The following ZNF804B variants were observed in gnomAD, a reference collection of about 807,000 sequenced individuals.
ZNF804B encodes the protein zinc finger protein 804B.
In ZNF804B, 80 loss-of-function variants were observed where a neutral mutation model predicts 101.4. That is an observed-to-expected ratio of 0.79 (90% CI 0.66 to 0.95). The LOEUF is 0.95. Ranked by LOEUF, ZNF804B falls within the 40% of genes least tolerant of loss-of-function variation. The pLI, the probability that ZNF804B is intolerant of heterozygous loss-of-function variation, is 0.00. For missense variants in ZNF804B, 1,673 were observed against 1,561.9 expected (o/e 1.07, Z -1.20); for synonymous variants, 622 against 558.8 (o/e 1.11, Z -1.59).
intron 1 of ZNF804B, among the ~76,000 whole-genome samples, chr7:88,818,410 C>T (rs574919058): frequency 1.3e-4 from 19 of 151,926 alleles, no homozygotes; most frequent in Middle Eastern, 3.4e-3. Flanking sequence ...CCATTTTTTT[C>T]TTAGAAAAAT....
At chr7:88,789,567 T>C (rs978637708) in intron 1 of ZNF804B, among the ~76,000 whole-genome samples, 28 of 152,148 alleles carry the variant, frequency 1.8e-4, no homozygotes, top group Non-Finnish European at 1.5e-5. Context: ...GGGTTCTCTC[T>C]GTATGCTCTT....
chr7:88,943,708 C>G (rs1793088146), intron 1 of ZNF804B, among the ~76,000 whole-genome samples: 1 of 151,770 alleles, frequency 6.6e-6, no homozygotes, highest in Non-Finnish European at 1.5e-5. Context: ...TCTCATTACC[C>G]CAAAGAGTTG....
intron 1 of ZNF804B, chr7:88,794,047 A>G (rs888646515): frequency 3.2e-6 from 2 of 631,806 alleles, no homozygotes; most frequent in African/African-American, 3.7e-5. Context: ...TACTCTATAA[A>G]GATTAATATA....
intron 1 of ZNF804B, among the ~76,000 whole-genome samples, chr7:88,761,876 G>A (rs1399440386): frequency 6.6e-6 from 1 of 152,172 alleles, no homozygotes; most frequent in Non-Finnish European, 1.5e-5. Context: ...GTCAAAAAGT[G>A]TCCTTTCTCT....
intron 1 of ZNF804B, among the ~76,000 whole-genome samples, chr7:88,772,135 G>T (rs1790080174): frequency 1.3e-5 from 2 of 152,172 alleles, no homozygotes; most frequent in Non-Finnish European, 1.5e-5. Flanking sequence ...TTTAAACTAC[G>T]TTTAATGTTC....
intron 1 of ZNF804B, among the ~76,000 whole-genome samples, chr7:88,875,129 A>G (rs537807161): frequency 1.4e-5 from 2 of 142,292 alleles, no homozygotes; most frequent in African/African-American, 5.5e-5. Context: ...AAGACACCAC[A>G]TACCAGAATC....
intron 2 of ZNF804B, among the ~76,000 whole-genome samples, chr7:89,266,877 T>TTGTGTGCGTGTGTGTG (rs1789803741): frequency 6.6e-6 from 1 of 150,872 alleles, no homozygotes; most frequent in Non-Finnish European, 1.5e-5. Flanking sequence ...GTGTCTGTGT[T>TTGTGTGCGTGTGTGTG]TGTGTGTGTG....
At chr7:88,928,923 G>T (rs1012878130) in intron 1 of ZNF804B, among the ~76,000 whole-genome samples, 1 of 151,840 alleles carries the variant, frequency 6.6e-6, no homozygotes, top group Middle Eastern at 3.2e-3. Flanking sequence ...GCTCATATAT[G>T]ACACTTATTT....
intron 1 of ZNF804B, among the ~76,000 whole-genome samples, chr7:88,833,699 C>T (rs901032642): frequency 8.6e-5 from 13 of 151,766 alleles, no homozygotes; most frequent in Admixed American, 2.0e-4. Context: ...GTCTATTGAC[C>T]TCATGTGAGA....
intron 1 of ZNF804B, among the ~76,000 whole-genome samples, chr7:88,942,276 G>C (rs1378358290): frequency 1.3e-5 from 2 of 151,750 alleles, no homozygotes; most frequent in African/African-American, 4.8e-5. Flanking sequence ...TTGTGCCATC[G>C]CAGGCAACAT....
In ZNF804B at chr7:89,220,038, T is replaced by C. The variant is rs1788970166; in HGVS notation, c.249+1743T>C. 1.4e-5 allele frequency among the ~76,000 whole-genome samples: 2 copies of C among 142,106 alleles called. 1 individual carries two copies. The highest frequency in any genetic ancestry group is 3.1e-5 in the Non-Finnish European group (2 of 65,276). The allele number at this position is 142,106 out of a possible 152,430, so 93.2% of individuals were successfully genotyped here. ...GTGTGTATACATATATATACGCACA[T>C]ATATGTGCATATATACATATATACG... is the stretch of plus-strand genomic sequence containing the variant. On this transcript the variant is annotated intron_variant, in intron 2 of 3. Transcript: ENST00000333190.
intron 2 of ZNF804B, among the ~76,000 whole-genome samples, chr7:89,311,220 T>A (rs1452817802): frequency 6.6e-6 from 1 of 152,198 alleles, no homozygotes; most frequent in African/African-American, 2.4e-5. Context: ...GAGAAATTTA[T>A]TTGAGTACTT....
At chr7:89,133,752 T>A (rs1275094568) in intron 1 of ZNF804B, among the ~76,000 whole-genome samples, 1 of 152,080 alleles carries the variant, frequency 6.6e-6, no homozygotes, top group African/African-American at 2.4e-5. Context: ...TTCGGTAATA[T>A]AAAAGGTTTC....
At chr7:89,010,870 A>G (rs997210140) in intron 1 of ZNF804B, among the ~76,000 whole-genome samples, 7 of 152,214 alleles carry the variant, frequency 4.6e-5, no homozygotes, top group African/African-American at 1.7e-4. Context: ...CTAGAGTTTG[A>G]TTGCTGTGTT....
intron 1 of ZNF804B, among the ~76,000 whole-genome samples, chr7:89,101,404 A>G (rs1165586698): frequency 3.3e-5 from 5 of 152,022 alleles, no homozygotes; most frequent in African/African-American, 1.2e-4. Flanking sequence ...TATTTGATAT[A>G]CAGTGTAGTT....
intron 1 of ZNF804B, among the ~76,000 whole-genome samples, chr7:88,785,858 T>A (rs10265705): frequency 2.0e-5 from 3 of 152,170 alleles, no homozygotes; most frequent in Non-Finnish European, 4.4e-5. Context: ...TATTTAACTT[T>A]CAGAAATCCC....
At chr7:89,155,118 C>T (rs1168519733) in intron 1 of ZNF804B, among the ~76,000 whole-genome samples, 7 of 152,126 alleles carry the variant, frequency 4.6e-5, no homozygotes, top group Non-Finnish European at 1.0e-4. Flanking sequence ...ACCGGCTCCA[C>T]CCTGATGCTT....
chr7:88,862,302 G>A (rs1327208314), intron 1 of ZNF804B, among the ~76,000 whole-genome samples: 1 of 152,174 alleles, frequency 6.6e-6, no homozygotes, highest in Admixed American at 6.5e-5. Context: ...CACTGGGAAT[G>A]CAAAGATGAA....
intron 1 of ZNF804B, among the ~76,000 whole-genome samples, chr7:88,916,966 CA>C (rs1336696288): frequency 6.6e-6 from 1 of 151,796 alleles, no homozygotes; most frequent in East Asian, 1.9e-4. Flanking sequence ...TAATGTGTTT[CA>C]AAAAAATTAA....
Sources: allele counts gnomAD v4.1 joint callset (sites outside exome capture counted in the v4.1 genomes callset), GRCh38; gene constraint gnomAD v4.1.1; transcripts MANE v1.5; gene names NCBI Gene and HGNC (gene_info 2026-07-23, HGNC 2026-07-21).